MAP7: variants seen among roughly 807,000 people sequenced by gnomAD.
The protein encoded by MAP7 is ensconsin.
MAP7 carries 52 observed loss-of-function variants against 94.8 expected under a neutral mutation model. That is an observed-to-expected ratio of 0.55 (90% CI 0.44 to 0.69). The LOEUF (loss-of-function observed/expected upper bound fraction) is 0.69, where lower values mean the gene tolerates loss of function less well. Among genes scored for constraint, MAP7 ranks in the 30% least tolerant of loss-of-function variants. The pLI is 0.00. For missense variants in MAP7, 940 were observed against 964.6 expected, an observed-to-expected ratio of 0.97 and a Z score of 0.34; for synonymous variants, 350 against 357.0, an observed-to-expected ratio of 0.98 and a Z score of 0.22.
At chr6:136,386,067 T>A (rs1779111800) in intron 5 of MAP7, among the ~76,000 whole-genome samples, 1 of 152,050 alleles carries the variant, frequency 6.6e-6, no homozygotes, top group Non-Finnish European at 1.5e-5. Context: ...CACCGCACCC[T>A]GCTGATCGTA....
At chr6:136,476,307 C>A (rs1810896026) in intron 1 of MAP7, among the ~76,000 whole-genome samples, 1 of 152,126 alleles carries the variant, frequency 6.6e-6, no homozygotes, top group Non-Finnish European at 1.5e-5. Context: ...AGTAGGGTAG[C>A]CTCCAGCCAC....
chr6:136,430,260 C>T (rs1033231670), intron 1 of MAP7, among the ~76,000 whole-genome samples: 26 of 152,148 alleles, frequency 1.7e-4, no homozygotes, highest in African/African-American at 6.3e-4. Flanking sequence ...GGTGTTTTTA[C>T]TTGAATAGGA....
intron 2 of MAP7, among the ~76,000 whole-genome samples, chr6:136,415,107 G>A (rs964014478): frequency 4.0e-5 from 6 of 151,668 alleles, no homozygotes; most frequent in African/African-American, 9.7e-5. Context: ...GCCCGATCTC[G>A]GCTAATTAAA....
intron 8 of MAP7, among the ~76,000 whole-genome samples, chr6:136,369,202 G>A (rs1449335455): frequency 6.6e-6 from 1 of 152,180 alleles, no homozygotes. Flanking sequence ...GGAGCATTCT[G>A]TATTTTTGAA....
At chr6:136,434,211 G>A (rs1795735352) in intron 1 of MAP7, among the ~76,000 whole-genome samples, 1 of 151,542 alleles carries the variant, frequency 6.6e-6, no homozygotes, top group Non-Finnish European at 1.5e-5. Context: ...GGAGGCTGAG[G>A]CAGGAGAACC....
intron 16 of MAP7, among the ~76,000 whole-genome samples, chr6:136,354,023 G>C (rs1273572422): frequency 6.7e-6 from 1 of 150,190 alleles, no homozygotes; most frequent in Non-Finnish European, 1.5e-5. Flanking sequence ...TGCTGTTTTG[G>C]CTTTATAAAT....
Position 136,360,576 on chromosome 6 carries a change from T to C in MAP7, c.1803+121A>G, listed in dbSNP as rs1792313419. ...TTTCTTTGCAGGAGATTGTTATCAC[T>C]GAGGGGGCTACTAGTTTATGTGGCA... is the stretch of plus-strand genomic sequence containing the variant. On this transcript the variant is annotated intron_variant, in intron 13 of 17. Coordinates refer to ENST00000354570, the MANE Select transcript of MAP7 (RefSeq NM_003980.6). 1.7e-5 allele frequency: 13 copies of C among 774,168 alleles called. No homozygotes were observed. The South Asian group carries it at 2.2e-4, about 13-fold the overall frequency. The allele number at this position is 774,168 out of a possible 1,614,324, so 48.0% of individuals were successfully genotyped here.
intron 2 of MAP7, among the ~76,000 whole-genome samples, chr6:136,412,884 G>C (rs1232193331): frequency 3.3e-5 from 5 of 152,322 alleles, no homozygotes; most frequent in African/African-American, 9.6e-5. Context: ...TGACAGGCCA[G>C]GTGCGGTGGC....
chr6:136,490,712 T>A (rs1816314664), intron 1 of MAP7, among the ~76,000 whole-genome samples: 1 of 152,234 alleles, frequency 6.6e-6, no homozygotes, highest in African/African-American at 2.4e-5. Context: ...TTGGGATAAG[T>A]GGAAGTGGAA....
intron 5 of MAP7, among the ~76,000 whole-genome samples, chr6:136,386,450 T>C (rs1407206692): frequency 2.6e-5 from 4 of 152,170 alleles, no homozygotes; most frequent in Non-Finnish European, 4.4e-5. Flanking sequence ...AAATGTCATA[T>C]ATTAAGCTTT....
At chr6:136,375,163 G>A (rs1376000048) in intron 7 of MAP7, among the ~76,000 whole-genome samples, 1 of 152,092 alleles carries the variant, frequency 6.6e-6, no homozygotes, top group Non-Finnish European at 1.5e-5. Flanking sequence ...AAGAAAAATG[G>A]CATAATATGG....
chr6:136,363,802 A>G (rs1381234779), intron 10 of MAP7, among the ~76,000 whole-genome samples: 1 of 152,184 alleles, frequency 6.6e-6, no homozygotes, highest in East Asian at 1.9e-4. Context: ...CAGTATGCAC[A>G]GGAATAGCAT....
intron 1 of MAP7, among the ~76,000 whole-genome samples, chr6:136,512,960 T>C (rs755584710): frequency 5.2e-4 from 79 of 152,044 alleles, no homozygotes; most frequent in Non-Finnish European, 1.6e-4. Flanking sequence ...GCCTCTCAAG[T>C]TGCTAGGACT....
intron 2 of MAP7, among the ~76,000 whole-genome samples, chr6:136,418,139 G>C (rs536757778): frequency 2.0e-5 from 3 of 152,170 alleles, no homozygotes; most frequent in African/African-American, 7.2e-5. Context: ...AGCAATGGTC[G>C]TTCCAGGATA....
At chr6:136,547,776 T>A (rs1333772534) in intron 1 of MAP7, among the ~76,000 whole-genome samples, 2 of 152,106 alleles carry the variant, frequency 1.3e-5, no homozygotes, top group Non-Finnish European at 2.9e-5. Flanking sequence ...AACGGTCTCA[T>A]TTCATAGGCC....
intron 1 of MAP7, among the ~76,000 whole-genome samples, chr6:136,463,532 G>GT (rs1354525373): frequency 1.3e-5 from 2 of 152,106 alleles, no homozygotes; most frequent in African/African-American, 4.8e-5. Context: ...TTGCTGAGGT[G>GT]TTTTTTCCAC....
At chr6:136,443,454 T>TC (rs1448354885) in intron 1 of MAP7, among the ~76,000 whole-genome samples, 1 of 145,476 alleles carries the variant, frequency 6.9e-6, no homozygotes, top group Non-Finnish European at 1.5e-5. Context: ...TTCTACTTTT[T>TC]TTTTTTTTTT....
At chr6:136,354,251 A>C (rs889749595) in intron 16 of MAP7, among the ~76,000 whole-genome samples, 1 of 144,932 alleles carries the variant, frequency 6.9e-6, no homozygotes, top group Non-Finnish European at 1.5e-5. Flanking sequence ...AATATATATA[A>C]ATTTCCTTTA....
chr6:136,496,890 G>C (rs1279245271), intron 1 of MAP7, among the ~76,000 whole-genome samples: 1 of 151,602 alleles, frequency 6.6e-6, no homozygotes, highest in Non-Finnish European at 1.5e-5. Context: ...GGAGGTGGAG[G>C]CTGCAGTAAG....
Sources: gnomAD v4.1 joint callset for allele counts (sites outside exome capture counted in the v4.1 genomes callset) on GRCh38, gnomAD v4.1.1 for gene constraint, MANE v1.5 for transcripts, NCBI Gene and HGNC (gene_info 2026-07-23, HGNC 2026-07-21) for gene names.